C1orf141: variants seen among roughly 807,000 people sequenced by gnomAD.
C1orf141 encodes the protein uncharacterized protein C1orf141.
A neutral mutation model predicts 23.2 loss-of-function variants in C1orf141; 19 were observed. That is an observed-to-expected ratio of 0.82 (90% CI 0.57 to 1.20). C1orf141 has a LOEUF of 1.20. C1orf141 is among the 50% of genes most tolerant of loss of function. C1orf141 has a pLI of 0.00. For synonymous variants in C1orf141, 153 were observed against 154.6 expected, an observed-to-expected ratio of 0.99 and a Z score of 0.08; for missense variants, 469 against 455.1, an observed-to-expected ratio of 1.03 and a Z score of -0.28.
intron 6 of C1orf141, 79 bp downstream of exon 6, chr1:67,096,173 T>G: frequency 1.4e-6 from 1 of 724,926 alleles, no homozygotes; most frequent in Non-Finnish European, 2.3e-6. Flanking sequence ...AATAAATTTA[T>G]TCCTGTCAAT....
At chr1:67,095,734 G>T in intron 6 of C1orf141, 1 of 221,352 alleles carries the variant, frequency 4.5e-6, no homozygotes, top group Non-Finnish European at 8.8e-6. Flanking sequence ...TGAAATTCTG[G>T]AAGAAGCTCC....
intron 2 of C1orf141, among the ~76,000 whole-genome samples, chr1:67,127,711 T>C (rs1233799001): frequency 1.3e-5 from 2 of 152,174 alleles, no homozygotes; most frequent in South Asian, 2.1e-4. Context: ...CTTGGCTCAC[T>C]GCAACCTCCA....
At chr1:67,103,664 C>G (rs1645857841) in intron 5 of C1orf141, among the ~76,000 whole-genome samples, 1 of 152,042 alleles carries the variant, frequency 6.6e-6, no homozygotes, top group African/African-American at 2.4e-5. Context: ...AAAACTTAGC[C>G]TTTATAGTCA....
chr1:67,102,270 A>G (rs1315966534), intron 5 of C1orf141, among the ~76,000 whole-genome samples: 1 of 151,818 alleles, frequency 6.6e-6, no homozygotes, highest in African/African-American at 2.4e-5. Flanking sequence ...AGAGAAAGAG[A>G]GATAATTAGG....
chr1:67,097,967 T>TA (rs899882413), intron 5 of C1orf141, among the ~76,000 whole-genome samples: 2 of 152,092 alleles, frequency 1.3e-5, no homozygotes, highest in African/African-American at 4.8e-5. Context: ...GAAAGGAGAA[T>TA]AAAAATCACT....
intron 5 of C1orf141, among the ~76,000 whole-genome samples, chr1:67,109,188 A>G (rs1360879868): frequency 1.3e-5 from 2 of 151,950 alleles, no homozygotes; most frequent in South Asian, 2.1e-4. Flanking sequence ...ATTAGCCAGC[A>G]TGGTGGCTGA....
At chr1:67,136,199 A>AT (rs200912022), upstream of C1orf141, among the ~76,000 whole-genome samples, 758 of 152,032 alleles carry the variant, frequency 5.0e-3, 7 homozygotes, top group Middle Eastern at 0.034. Context: ...TGCCAGGCTA[A>AT]TTTTTTTATT....
intron 5 of C1orf141, among the ~76,000 whole-genome samples, chr1:67,111,989 T>C (rs1228989868): frequency 2.0e-5 from 3 of 152,244 alleles, no homozygotes; most frequent in African/African-American, 7.2e-5. Flanking sequence ...TAGTCCCTTC[T>C]ACCTGCATTT....
chr1:67,118,296 A>G (rs1646235037), intron 4 of C1orf141, among the ~76,000 whole-genome samples: 1 of 152,144 alleles, frequency 6.6e-6, no homozygotes, highest in African/African-American at 2.4e-5. Context: ...CTGGTGGGGG[A>G]AAAAAGAAAA....
intron 1 of C1orf141, among the ~76,000 whole-genome samples, chr1:67,131,590 A>G (rs571411170): frequency 6.6e-6 from 1 of 152,248 alleles, no homozygotes; most frequent in East Asian, 1.9e-4. Context: ...GATCTGGCTC[A>G]GCCCACCTTT....
At chr1:67,113,829 A>G in intron 5 of C1orf141, 1 of 543,556 alleles carries the variant, frequency 1.8e-6, no homozygotes, top group Non-Finnish European at 3.2e-6. Flanking sequence ...GATTAGTAAC[A>G]GCCCTCCTGC....
chr1:67,123,520 A>G (rs1026510034), intron 4 of C1orf141: 20 of 152,160 alleles, frequency 1.3e-4, no homozygotes, highest in Non-Finnish European at 1.9e-4. Context: ...GTATAACTAA[A>G]TTATAAATTC....
intron 4 of C1orf141, among the ~76,000 whole-genome samples, chr1:67,120,960 G>T (rs890885517): frequency 1.3e-5 from 2 of 152,172 alleles, no homozygotes. Context: ...AATTTGAAGA[G>T]TTGTAGCTGC....
At chr1:67,114,582 T>A (rs1414444216) in intron 5 of C1orf141, among the ~76,000 whole-genome samples, 1 of 152,156 alleles carries the variant, frequency 6.6e-6, no homozygotes, top group African/African-American at 2.4e-5. Context: ...GAATGATTGT[T>A]TGATAATGGA....
At chr1:67,112,212 A>G (rs938583189) in intron 5 of C1orf141, among the ~76,000 whole-genome samples, 3 of 152,220 alleles carry the variant, frequency 2.0e-5, no homozygotes, top group Non-Finnish European at 4.4e-5. Context: ...ACTGGAAACA[A>G]TAGCACTTAT....
intron 1 of C1orf141, among the ~76,000 whole-genome samples, chr1:67,131,649 T>G (rs556503059): frequency 6.6e-6 from 1 of 152,214 alleles, no homozygotes; most frequent in East Asian, 1.9e-4. Context: ...TCTACCACTC[T>G]TACTTCCTGG....
chr1:67,130,081 T>C (rs1006332375), intron 2 of C1orf141, among the ~76,000 whole-genome samples: 2 of 152,198 alleles, frequency 1.3e-5, no homozygotes, highest in African/African-American at 2.4e-5. Context: ...AGGGGACAGA[T>C]TTTGAAAGAG....
chr1:67,104,305 A>G (rs1192420306), intron 5 of C1orf141, among the ~76,000 whole-genome samples: 2 of 152,172 alleles, frequency 1.3e-5, no homozygotes, highest in African/African-American at 4.8e-5. Flanking sequence ...GGCGAGGTCA[A>G]CAGCATAAGC....
intron 1 of C1orf141, among the ~76,000 whole-genome samples, 168 bp downstream of exon 1, chr1:67,134,762 C>T (rs185439333): frequency 9.1e-4 from 138 of 152,370 alleles, no homozygotes; most frequent in African/African-American, 3.1e-3. Context: ...CCACACTTGC[C>T]TGACCTCAAC....
Sources: allele counts gnomAD v4.1 joint callset (sites outside exome capture counted in the v4.1 genomes callset), GRCh38; gene constraint gnomAD v4.1.1; transcripts MANE v1.5; gene names NCBI Gene and HGNC (gene_info 2026-07-23, HGNC 2026-07-21).